The following KCNC2 variants were observed in gnomAD, a reference collection of about 807,000 sequenced individuals.
KCNC2 encodes the protein voltage-gated potassium channel KCNC2.
In KCNC2, 21 loss-of-function variants were observed where a neutral mutation model predicts 44.5. That is an observed-to-expected ratio of 0.47 (90% CI 0.33 to 0.68). The LOEUF is 0.68. Among genes scored for constraint, KCNC2 ranks in the 30% least tolerant of loss-of-function variants. KCNC2 has a pLI of 0.01. For synonymous variants in KCNC2, 391 were observed against 339.1 expected (o/e 1.15, Z -1.68); for missense variants, 589 against 826.2 (o/e 0.71, Z 3.52).
chr12:75,138,979 T>TAAAAAAAAAAAAAAAAAAAAAAAAAA (rs373729570), intron 2 of KCNC2, among the ~76,000 whole-genome samples: 13 of 77,930 alleles, frequency 1.7e-4, no homozygotes, highest in Admixed American at 7.7e-4. Context: ...AGACTCCGTG[T>TAAAAAAAAAAAAAAAAAAAAAAAAAA]AAAAAAAAAA....
intron 2 of KCNC2, among the ~76,000 whole-genome samples, chr12:75,134,918 C>A (rs1357316588): frequency 1.3e-5 from 2 of 151,920 alleles, no homozygotes; most frequent in Admixed American, 1.3e-4. Context: ...TGATTATCTC[C>A]ATAGCTAGTC....
At chr12:75,064,776 T>C (rs1882665282) in intron 2 of KCNC2, among the ~76,000 whole-genome samples, 1 of 152,096 alleles carries the variant, frequency 6.6e-6, no homozygotes, top group African/African-American at 2.4e-5. Context: ...TATGTTGTTT[T>C]TAACTTTAAA....
chr12:75,058,665 T>G (rs184003751), intron 2 of KCNC2, among the ~76,000 whole-genome samples: 126 of 152,178 alleles, frequency 8.3e-4, no homozygotes, highest in Non-Finnish European at 1.6e-3. Flanking sequence ...CCAATGTCTG[T>G]CTACCCTGCA....
chr12:75,198,002 G>A (rs967223810), intron 2 of KCNC2, among the ~76,000 whole-genome samples: 3 of 151,850 alleles, frequency 2.0e-5, no homozygotes, highest in Admixed American at 1.3e-4. Context: ...GCAACTGATA[G>A]CAAGTACATA....
intron 2 of KCNC2, among the ~76,000 whole-genome samples, chr12:75,180,735 A>G (rs1255193661): frequency 6.6e-6 from 1 of 151,934 alleles, no homozygotes; most frequent in East Asian, 1.9e-4. Flanking sequence ...AGATTTTCAT[A>G]AAATTTACTT....
intron 2 of KCNC2, among the ~76,000 whole-genome samples, chr12:75,150,146 AC>A (rs1890291067): frequency 1.3e-5 from 2 of 151,816 alleles, no homozygotes; most frequent in Admixed American, 1.3e-4. Context: ...TACAAGCTTT[AC>A]TCATAGGACA....
intron 2 of KCNC2, among the ~76,000 whole-genome samples, chr12:75,111,795 A>G (rs1592896283): frequency 6.6e-6 from 1 of 152,154 alleles, no homozygotes; most frequent in East Asian, 1.9e-4. Flanking sequence ...ACACTAAGAT[A>G]TTATCTTCCT....
chr12:75,084,758 A>G (rs1884852672), intron 2 of KCNC2, among the ~76,000 whole-genome samples: 1 of 152,014 alleles, frequency 6.6e-6, no homozygotes. Flanking sequence ...TGGCCTTTAG[A>G]TAAAGGACTA....
intron 2 of KCNC2, among the ~76,000 whole-genome samples, chr12:75,176,398 T>C (rs1203601041): frequency 6.6e-6 from 1 of 151,934 alleles, no homozygotes; most frequent in Non-Finnish European, 1.5e-5. Context: ...TCAAAACCTT[T>C]CCATGGCTTC....
intron 2 of KCNC2, among the ~76,000 whole-genome samples, chr12:75,184,505 T>G (rs1892802673): frequency 6.6e-6 from 1 of 152,212 alleles, no homozygotes; most frequent in African/African-American, 2.4e-5. Context: ...TTTTTTCATT[T>G]AAACCTTACT....
intron 2 of KCNC2, among the ~76,000 whole-genome samples, chr12:75,174,817 A>AAATT (rs1892068972): frequency 6.6e-6 from 1 of 151,992 alleles, no homozygotes; most frequent in Non-Finnish European, 1.5e-5. Context: ...ATATTTCATT[A>AAATT]CATGTTCTAT....
rs1031403047 is a variant in KCNC2, at chr12:75,040,560, C to T, written c.*2545G>A. 2 of 153,096 alleles carry T rather than the reference C, an allele frequency of 1.3e-5. No individual in the cohort carries two copies. The highest frequency in any genetic ancestry group is 2.9e-5 in the Non-Finnish European group (2 of 68,386). The allele number at this position is 153,096 out of a possible 1,614,324, so 9.5% of individuals were successfully genotyped here. The stretch of plus-strand genomic sequence containing the variant: ...AGGTAATAATGATAAAAGACTTAAA[C>T]TATGAATAATGTTGGTGAGTTCCAT... On this transcript the variant is annotated 3_prime_UTR_variant, in exon 5 of 5. Coordinates refer to ENST00000549446, the MANE Select transcript of KCNC2 (RefSeq NM_139137.4).
At chr12:75,172,352 C>G (rs1891885905) in intron 2 of KCNC2, among the ~76,000 whole-genome samples, 1 of 151,770 alleles carries the variant, frequency 6.6e-6, no homozygotes, top group Admixed American at 6.6e-5. Context: ...GGGAGAGCAT[C>G]AGGAAGACTA....
At chr12:75,071,665 C>T (rs1883413529) in intron 2 of KCNC2, among the ~76,000 whole-genome samples, 1 of 152,102 alleles carries the variant, frequency 6.6e-6, no homozygotes, top group Non-Finnish European at 1.5e-5. Context: ...GAAGAATTAA[C>T]TCTTGGCCAG....
intron 2 of KCNC2, among the ~76,000 whole-genome samples, chr12:75,202,671 A>C (rs752443117): frequency 1.3e-5 from 2 of 151,840 alleles, no homozygotes; most frequent in African/African-American, 2.4e-5. Flanking sequence ...TCATTGTGAA[A>C]ACAGAAAAAT....
At chr12:75,146,017 G>C (rs1010034532) in intron 2 of KCNC2, among the ~76,000 whole-genome samples, 24 of 149,382 alleles carry the variant, frequency 1.6e-4, no homozygotes, top group African/African-American at 5.9e-4. Context: ...GCAGTGGCGC[G>C]ATCTCTGTTC....
chr12:75,045,684 C>T (rs1253683754), intron 4 of KCNC2, among the ~76,000 whole-genome samples: 1 of 151,908 alleles, frequency 6.6e-6, no homozygotes, highest in African/African-American at 2.4e-5. Context: ...AATACTGAAA[C>T]TACCTACCCA....
At chr12:75,072,439 A>T (rs1017332052) in intron 2 of KCNC2, among the ~76,000 whole-genome samples, 9 of 152,200 alleles carry the variant, frequency 5.9e-5, no homozygotes, top group African/African-American at 2.2e-4. Context: ...TTATTTAAAA[A>T]AATTATACTT....
chr12:75,202,436 G>T (rs950100841), intron 2 of KCNC2, among the ~76,000 whole-genome samples: 13 of 151,726 alleles, frequency 8.6e-5, no homozygotes, highest in South Asian at 6.2e-4. Context: ...ACCCTGAAAA[G>T]GTCAAAAGAC....
Sources: gnomAD v4.1 joint callset for allele counts (sites outside exome capture counted in the v4.1 genomes callset) on GRCh38, gnomAD v4.1.1 for gene constraint, MANE v1.5 for transcripts, NCBI Gene and HGNC (gene_info 2026-07-23, HGNC 2026-07-21) for gene names.